The following SV2C variants were observed in gnomAD, a reference collection of about 807,000 sequenced individuals.
The protein encoded by SV2C is synaptic vesicle glycoprotein 2C, also known as solute carrier family 22 member B3.
SV2C carries 49 observed loss-of-function variants against 79.7 expected under a neutral mutation model. The ratio of observed to expected loss-of-function variants is 0.61; its 90% CI spans 0.49 to 0.78. SV2C has a LOEUF of 0.78. SV2C is among the 30% of genes least tolerant of loss of function. SV2C has a pLI of 0.00. For missense variants in SV2C, 833 were observed against 912.9 expected (o/e 0.91, Z 1.13); for synonymous variants, 334 against 333.2 (o/e 1.00, Z -0.03).
At chr5:76,161,550 G>A (rs968794523) in intron 2 of SV2C, among the ~76,000 whole-genome samples, 1 of 152,054 alleles carries the variant, frequency 6.6e-6, no homozygotes, top group African/African-American at 2.4e-5. Flanking sequence ...TCCCAGGCTG[G>A]TCTTGAATTC....
chr5:76,145,973 T>C (rs767171293), intron 2 of SV2C, among the ~76,000 whole-genome samples: 15 of 152,186 alleles, frequency 9.9e-5, no homozygotes, highest in Non-Finnish European at 1.3e-4. Context: ...GTGTAGCAAA[T>C]ATATTTCTAC....
the SV2C span, among the ~76,000 whole-genome samples, chr5:75,999,393 G>GAA: frequency 0.01 from 470 of 46,372 alleles, 4 homozygotes; most frequent in African/African-American, 0.026. Flanking sequence ...GAGAGAGAGA[G>GAA]AGAGAGAGAG....
At chr5:76,047,531 G>C in the SV2C span, among the ~76,000 whole-genome samples, 1 of 152,062 alleles carries the variant, frequency 6.6e-6, no homozygotes, top group Non-Finnish European at 1.5e-5. Flanking sequence ...CCAGTTTGTG[G>C]TTAAACCATT....
chr5:75,847,986 G>A, the SV2C span, among the ~76,000 whole-genome samples: 1 of 152,192 alleles, frequency 6.6e-6, no homozygotes, highest in Non-Finnish European at 1.5e-5. Flanking sequence ...CAAAATGGGA[G>A]ATGGTATTTA....
chr5:76,303,366 A>C (rs1249606232), intron 12 of SV2C, among the ~76,000 whole-genome samples: 2 of 152,230 alleles, frequency 1.3e-5, no homozygotes, highest in Non-Finnish European at 2.9e-5. Flanking sequence ...CAGAGCTTAG[A>C]TGTGGATTAC....
At chr5:76,105,729 A>G (rs1449882057) in intron 1 of SV2C, among the ~76,000 whole-genome samples, 1 of 152,144 alleles carries the variant, frequency 6.6e-6, no homozygotes, top group Non-Finnish European at 1.5e-5. Context: ...GGATGCTGAC[A>G]TATACACACC....
chr5:75,927,491 G>C, the SV2C span, among the ~76,000 whole-genome samples: 1 of 151,852 alleles, frequency 6.6e-6, no homozygotes, highest in Non-Finnish European at 1.5e-5. Flanking sequence ...GCTACGGGAT[G>C]GGGGGAGGGG....
chr5:75,993,561 C>T, the SV2C span, among the ~76,000 whole-genome samples: 1 of 152,026 alleles, frequency 6.6e-6, no homozygotes, highest in African/African-American at 2.4e-5. Flanking sequence ...TCTAGAGTTA[C>T]ACAAGAACAC....
chr5:76,242,269 A>C, intron 4 of SV2C: 1 of 1,185,782 alleles, frequency 8.4e-7, no homozygotes, highest in Non-Finnish European at 1.2e-6. Context: ...CTCCCTTAGC[A>C]TCCCCTTCAG....
intron 12 of SV2C, among the ~76,000 whole-genome samples, chr5:76,307,389 A>C (rs1478792185): frequency 6.6e-6 from 1 of 152,204 alleles, no homozygotes; most frequent in Non-Finnish European, 1.5e-5. Flanking sequence ...CTTTCTGTAA[A>C]GGGCTAAAAC....
chr5:75,950,076 C>T, the SV2C span, among the ~76,000 whole-genome samples: 1 of 152,166 alleles, frequency 6.6e-6, no homozygotes, highest in African/African-American at 2.4e-5. Context: ...CTTGATGTAG[C>T]TCCCAGGGAA....
chr5:76,093,695 C>T (rs1468952288), intron 1 of SV2C, among the ~76,000 whole-genome samples: 1 of 152,172 alleles, frequency 6.6e-6, no homozygotes, highest in Non-Finnish European at 1.5e-5. Context: ...GCTTCTGAGC[C>T]GCAGTGATCT....
intron 2 of SV2C, among the ~76,000 whole-genome samples, chr5:76,172,130 G>A (rs1233412099): frequency 2.7e-4 from 8 of 29,376 alleles, no homozygotes; most frequent in African/African-American, 6.0e-4. Flanking sequence ...TCAGCCCTCC[G>A]CCCGGCCAGC....
At chr5:76,177,763 G>A (rs1743586011) in intron 2 of SV2C, among the ~76,000 whole-genome samples, 1 of 152,078 alleles carries the variant, frequency 6.6e-6, no homozygotes, top group South Asian at 2.1e-4. Context: ...TTGGCTAGGT[G>A]ATTCTTCTGT....
chr5:76,066,756 G>A, the SV2C span, among the ~76,000 whole-genome samples: 1 of 143,676 alleles, frequency 7.0e-6, no homozygotes, highest in Non-Finnish European at 1.5e-5. Context: ...TACAGATCTT[G>A]TTGAAGACAT....
chr5:76,065,893 G>A, the SV2C span, among the ~76,000 whole-genome samples: 5 of 152,232 alleles, frequency 3.3e-5, no homozygotes, highest in African/African-American at 1.2e-4. Context: ...TCTACTTTAG[G>A]ATAGACTCCG....
the SV2C span, among the ~76,000 whole-genome samples, chr5:75,930,255 G>A: frequency 6.2e-4 from 94 of 152,028 alleles, no homozygotes; most frequent in Non-Finnish European, 9.4e-4. Context: ...GCGTGCAGAC[G>A]TTTGGGAAGG....
At chr5:76,351,383 G>A (rs1237980424) in intron 12 of SV2C, among the ~76,000 whole-genome samples, 1 of 152,132 alleles carries the variant, frequency 6.6e-6, no homozygotes, top group Non-Finnish European at 1.5e-5. Context: ...AGGTGGTTGA[G>A]GTTGCAGTGA....
rs577638513 is a variant in SV2C at position 76,088,090 on chromosome 5, A to G, written c.-102+4578A>G. ...TGAGCCCCAAACCACTTCCATCCCC[A>G]GCAACCTTCAATCATCAGTCTCCTT... is the stretch of plus-strand genomic sequence containing the variant. On this transcript the variant is annotated intron_variant, in intron 1 of 12. Coordinates refer to ENST00000502798, the MANE Select transcript of SV2C (RefSeq NM_014979.4). Among the ~76,000 whole-genome samples the G allele has an allele frequency of 4.8e-4, 73 of 152,294 alleles. 1 individual carries two copies. The highest frequency in any genetic ancestry group is 5.4e-4 in the Non-Finnish European group (37 of 68,018).
Sources: allele counts gnomAD v4.1 joint callset (sites outside exome capture counted in the v4.1 genomes callset), GRCh38; gene constraint gnomAD v4.1.1; transcripts MANE v1.5; gene names NCBI Gene and HGNC (gene_info 2026-07-23, HGNC 2026-07-21).